PAGE2B: variants seen among roughly 807,000 people sequenced by gnomAD.
The protein encoded by PAGE2B is putative G antigen family E member 3.
A neutral mutation model predicts 7.6 loss-of-function variants in PAGE2B; 5 were observed. The ratio of observed to expected loss-of-function variants is 0.66; its 90% CI spans 0.34 to 1.38. PAGE2B has a LOEUF of 1.38. Ranked by LOEUF, PAGE2B falls within the 40% of genes most tolerant of loss-of-function variation. PAGE2B has a pLI of 0.04. For synonymous variants in PAGE2B, 29 were observed against 26.7 expected, an observed-to-expected ratio of 1.09 and a Z score of -0.27; for missense variants, 70 against 78.4, an observed-to-expected ratio of 0.89 and a Z score of 0.41.
chrX:55,052,503 C>A, the PAGE2B span, among the ~76,000 whole-genome samples: 1 of 112,404 alleles, frequency 8.9e-6, no homozygotes, highest in Admixed American at 9.4e-5. Flanking sequence ...GAAGCCTGGG[C>A]AATGGCAGGC....
At chrX:55,043,968 A>AAAT in the PAGE2B span, among the ~76,000 whole-genome samples, 1,928 of 102,679 alleles carry the variant, frequency 0.019, 27 homozygotes, top group East Asian at 0.067. Flanking sequence ...CTCTGTCTCT[A>AAAT]AATAATAATA....
the PAGE2B span, among the ~76,000 whole-genome samples, chrX:55,056,652 G>A: frequency 9.2e-4 from 102 of 110,630 alleles, no homozygotes; most frequent in East Asian, 0.023. Flanking sequence ...ATGGGGAAGG[G>A]TTCCAGCAAG....
At chrX:55,061,712 C>A in the PAGE2B span, among the ~76,000 whole-genome samples, 2 of 110,943 alleles carry the variant, frequency 1.8e-5, no homozygotes, top group African/African-American at 6.5e-5. Context: ...TATATTTTTG[C>A]GCCCATTAAC....
the PAGE2B span, among the ~76,000 whole-genome samples, chrX:55,060,627 A>G: frequency 9.0e-6 from 1 of 111,546 alleles, no homozygotes; most frequent in Non-Finnish European, 1.9e-5. Flanking sequence ...ACTTTGATGC[A>G]ATCCATTTGT....
At chrX:55,032,067 AT>A in the PAGE2B span, among the ~76,000 whole-genome samples, 15 of 111,449 alleles carry the variant, frequency 1.3e-4, no homozygotes, top group South Asian at 7.6e-4. Flanking sequence ...ATTCCCAAGG[AT>A]TTTCCCCCCT....
In PAGE2B at chrX:55,075,421, G is replaced by T. The variant is rs1936497576; in HGVS notation, c.-9+307G>T. Among the ~76,000 whole-genome samples the T allele has an allele frequency of 2.7e-5, 3 of 110,869 alleles. No homozygotes were observed. In the South Asian group the frequency reaches 1.2e-3, roughly 43 times the overall value. On this transcript the variant is annotated intron_variant, in intron 1 of 4. Coordinates refer to ENST00000374971, the MANE Select transcript of PAGE2B (RefSeq NM_001015038.3). ...AAACTCCTGGAACCCTCTGAGAGAG[G>T]ACAGTTTCCAGACTCCTCGGTAGGG... is the stretch of plus-strand genomic sequence containing the variant.
chrX:55,051,005 C>T, the PAGE2B span, among the ~76,000 whole-genome samples: 3 of 111,069 alleles, frequency 2.7e-5, no homozygotes, highest in Non-Finnish European at 3.8e-5. Flanking sequence ...GCAGGCCTGG[C>T]GGTGACAAAA....
chrX:55,031,191 T>C, the PAGE2B span: 1 of 185,609 alleles, frequency 5.4e-6, no homozygotes, highest in Non-Finnish European at 1.0e-5. Context: ...ACAGTAAAAT[T>C]AGCTCATTTG....
chrX:55,066,830 T>G, the PAGE2B span, among the ~76,000 whole-genome samples: 1 of 111,563 alleles, frequency 9.0e-6, no homozygotes. Flanking sequence ...TATCTTTCTC[T>G]AGGTTTGGGA....
At chrX:55,046,125 T>G in the PAGE2B span, among the ~76,000 whole-genome samples, 3 of 111,278 alleles carry the variant, frequency 2.7e-5, no homozygotes, top group Non-Finnish European at 5.7e-5. Context: ...TTTATTTTAT[T>G]ATTTTTTAGA....
the PAGE2B span, among the ~76,000 whole-genome samples, chrX:55,066,610 C>CTA: frequency 8.9e-6 from 1 of 111,806 alleles, no homozygotes; most frequent in Non-Finnish European, 1.9e-5. Context: ...TCATGCCACT[C>CTA]TATCCTGGCC....
At chrX:55,039,814 G>A in the PAGE2B span, among the ~76,000 whole-genome samples, 1 of 112,006 alleles carries the variant, frequency 8.9e-6, no homozygotes, top group Non-Finnish European at 1.9e-5. Context: ...GGGCCAGGCT[G>A]GGATTCAGCC....
At chrX:55,071,143 A>G (rs1936444800), upstream of PAGE2B, among the ~76,000 whole-genome samples, 1 of 110,618 alleles carries the variant, frequency 9.0e-6, no homozygotes, top group Non-Finnish European at 1.9e-5. Flanking sequence ...GGTCTTTACG[A>G]TTAGTTTTTT....
chrX:55,037,772 A>G, the PAGE2B span, among the ~76,000 whole-genome samples: 1 of 108,976 alleles, frequency 9.2e-6, no homozygotes, highest in African/African-American at 3.3e-5. Context: ...GAAGCTGGAA[A>G]CCATCATTCT....
chrX:55,068,588 G>A, the PAGE2B span, among the ~76,000 whole-genome samples: 1 of 111,979 alleles, frequency 8.9e-6, no homozygotes, highest in African/African-American at 3.2e-5. Flanking sequence ...GTCAGTGGTA[G>A]CTTGATCGGG....
the PAGE2B span, among the ~76,000 whole-genome samples, chrX:55,030,788 A>G: frequency 1.8e-5 from 2 of 111,515 alleles, no homozygotes; most frequent in Non-Finnish European, 3.8e-5. Flanking sequence ...AGAAAGAGAC[A>G]TGGGAGATAA....
chrX:55,065,941 G>T, the PAGE2B span, among the ~76,000 whole-genome samples: 1 of 111,759 alleles, frequency 8.9e-6, no homozygotes, highest in East Asian at 2.8e-4. Flanking sequence ...TATTATTTTT[G>T]ATTGGTTTAT....
At chrX:55,044,772 T>C in the PAGE2B span, 1 of 111,829 alleles carries the variant, frequency 8.9e-6, no homozygotes, top group Non-Finnish European at 1.9e-5. Context: ...AATAAGGTTG[T>C]CCTGGTTAAG....
chrX:55,063,112 G>T, the PAGE2B span, among the ~76,000 whole-genome samples: 22 of 111,168 alleles, frequency 2.0e-4, no homozygotes, highest in Non-Finnish European at 7.6e-5. Flanking sequence ...ATAAATTTTA[G>T]AGTTTTTTTC....
Sources: allele counts gnomAD v4.1 joint callset (sites outside exome capture counted in the v4.1 genomes callset), GRCh38; gene constraint gnomAD v4.1.1; transcripts MANE v1.5; gene names NCBI Gene and HGNC (gene_info 2026-07-23, HGNC 2026-07-21).